Variants in PDE1C observed in about 807,000 individuals in gnomAD.
PDE1C encodes phosphodiesterase 1C.
A neutral mutation model predicts 93.1 loss-of-function variants in PDE1C; 62 were observed. That is an observed-to-expected ratio of 0.67 (90% CI 0.54 to 0.82). The LOEUF (loss-of-function observed/expected upper bound fraction) is 0.82, where lower values mean the gene tolerates loss of function less well. Ranked by LOEUF, PDE1C falls within the 40% of genes least tolerant of loss-of-function variation. PDE1C has a pLI of 0.00. For synonymous variants in PDE1C, 325 were observed against 310.1 expected (o/e 1.05, Z -0.50); for missense variants, 742 against 884.6 (o/e 0.84, Z 2.04).
At chr7:31,941,187 AAC>A (rs1805794858) in intron 2 of PDE1C, 1 of 152,588 alleles carries the variant, frequency 6.6e-6, no homozygotes, top group African/African-American at 2.4e-5. Context: ...GGTCCTAACA[AAC>A]ACACTCTTTG....
chr7:32,080,223 C>T (rs1796578850), intron 3 of PDE1C, among the ~76,000 whole-genome samples: 1 of 151,986 alleles, frequency 6.6e-6, no homozygotes. Context: ...GATTTAGGGA[C>T]CCATTCAACT....
chr7:32,035,915 G>A lies in PDE1C; in HGVS notation c.128+15639C>T, dbSNP rs373669969. ...ACGTGCCTGGTCAATTGTGAAAACT[G>A]ACTTGAAGGGAGAGAAATTTCATCT... is the stretch of plus-strand genomic sequence containing the variant. On this transcript the variant is annotated intron_variant, in intron 2 of 17. Transcript: ENST00000396191. Among the ~76,000 whole-genome samples, 13 of 152,310 alleles carry A rather than the reference G, an allele frequency of 8.5e-5. 3 individuals are homozygous for A. Among genetic ancestry groups the A allele is most frequent in the Admixed American group, 6.5e-5 (1 of 15,292 alleles).
intron 2 of PDE1C, among the ~76,000 whole-genome samples, chr7:31,959,063 G>C (rs1808538460): frequency 2.0e-5 from 3 of 152,084 alleles, no homozygotes; most frequent in African/African-American, 4.8e-5. Flanking sequence ...CCTAATCAAA[G>C]AGCCATAATC....
At chr7:31,749,826 C>T (rs1794085025), downstream of PDE1C, among the ~76,000 whole-genome samples, 1 of 151,372 alleles carries the variant, frequency 6.6e-6, no homozygotes, top group East Asian at 1.9e-4. Context: ...CAACCTCTGC[C>T]TCCCAGGTTC....
At chr7:31,746,551 G>A (rs1794010909), downstream of PDE1C, among the ~76,000 whole-genome samples, 1 of 152,212 alleles carries the variant, frequency 6.6e-6, no homozygotes, top group South Asian at 2.1e-4. Flanking sequence ...AAATATCACT[G>A]TGCTCTGGCA....
At chr7:31,946,685 C>T (rs189924736) in intron 2 of PDE1C, among the ~76,000 whole-genome samples, 3 of 152,328 alleles carry the variant, frequency 2.0e-5, no homozygotes, top group African/African-American at 7.2e-5. Flanking sequence ...ATAGCATGGG[C>T]TCCCAGAGCT....
At chr7:32,069,433 A>G (rs574687553) in intron 1 of PDE1C, among the ~76,000 whole-genome samples, 3 of 152,274 alleles carry the variant, frequency 2.0e-5, no homozygotes, top group Non-Finnish European at 2.9e-5. Flanking sequence ...ATGACTGATG[A>G]AAGTAGTATC....
chr7:32,162,298 A>T (rs1160891023), intron 3 of PDE1C, among the ~76,000 whole-genome samples: 1 of 152,208 alleles, frequency 6.6e-6, no homozygotes, highest in Non-Finnish European at 1.5e-5. Flanking sequence ...AGACTGGCCC[A>T]GAATATCCAG....
chr7:31,996,065 G>A (rs963940183), intron 2 of PDE1C, among the ~76,000 whole-genome samples: 8 of 95,610 alleles, frequency 8.4e-5, no homozygotes, highest in South Asian at 3.5e-4. Context: ...TTACGCTTCC[G>A]GACACACACA....
intron 2 of PDE1C, among the ~76,000 whole-genome samples, chr7:32,007,046 C>T (rs906691672): frequency 2.0e-5 from 3 of 152,166 alleles, no homozygotes; most frequent in Admixed American, 2.0e-4. Context: ...CAAGATTTAT[C>T]TTAATTTTTA....
chr7:31,926,619 C>T (rs761321892), intron 2 of PDE1C, among the ~76,000 whole-genome samples: 18 of 152,048 alleles, frequency 1.2e-4, no homozygotes, highest in Admixed American at 2.0e-4. Flanking sequence ...GGTTAGACAG[C>T]GGGTGCAGCC....
At position 31,915,809 on chromosome 7, in the gene PDE1C, A is replaced by G. The variant is rs181944522; in HGVS notation, c.129-34949T>C. ...AGGAAAGCATACACATTTATTTAACATAAGTTTTATGTGACATGAGGGCCT... is the reference window on the plus strand; with the variant it reads ...AGGAAAGCATACACATTTATTTAACGTAAGTTTTATGTGACATGAGGGCCT... On this transcript the variant is annotated intron_variant, in intron 2 of 17. Transcript: ENST00000396191. Among the ~76,000 whole-genome samples, 365 of 152,290 alleles carry G rather than the reference A, an allele frequency of 2.4e-3. 2 individuals are homozygous for G. The highest frequency in any genetic ancestry group is 4.2e-3 in the Non-Finnish European group (285 of 68,026).
intron 2 of PDE1C, among the ~76,000 whole-genome samples, chr7:32,040,083 T>A (rs893908136): frequency 6.6e-6 from 1 of 152,180 alleles, no homozygotes; most frequent in Non-Finnish European, 1.5e-5. Context: ...AATACACCTA[T>A]AAAATCTTGT....
intron 2 of PDE1C, among the ~76,000 whole-genome samples, chr7:32,205,596 A>AGGCCAACCCCCC (rs1178532062): frequency 7.6e-6 from 1 of 131,768 alleles, no homozygotes; most frequent in East Asian, 2.0e-4. Flanking sequence ...GAATAAAAGC[A>AGGCCAACCCCCC]GGCCAACCCC....
At chr7:32,191,819 C>T in intron 2 of PDE1C, among the ~76,000 whole-genome samples, 1 of 152,302 alleles carries the variant, frequency 6.6e-6, no homozygotes, top group Admixed American at 6.5e-5. Context: ...GGCTGTATCA[C>T]CAACCATGTA....
intron 17 of PDE1C, among the ~76,000 whole-genome samples, chr7:31,765,471 C>A (rs1795086042): frequency 6.6e-6 from 1 of 152,136 alleles, no homozygotes. Flanking sequence ...TTTTTCTTAA[C>A]AACGTGTGCA....
intron 16 of PDE1C, among the ~76,000 whole-genome samples, chr7:31,778,063 C>T (rs1381537421): frequency 4.6e-5 from 7 of 152,156 alleles, no homozygotes; most frequent in Non-Finnish European, 7.3e-5. Flanking sequence ...TGAATTTTAA[C>T]AATTTCACCA....
chr7:32,114,453 C>A (rs1292210281), intron 3 of PDE1C, among the ~76,000 whole-genome samples: 2 of 152,052 alleles, frequency 1.3e-5, no homozygotes, highest in East Asian at 1.9e-4. Context: ...CTTCCTTACA[C>A]CTTTGGAATT....
chr7:31,630,676 A>C, the PDE1C span, among the ~76,000 whole-genome samples: 21 of 152,306 alleles, frequency 1.4e-4, no homozygotes, highest in East Asian at 3.9e-3. Context: ...CAATAAGACT[A>C]AATATATAGC....
Sources: allele counts gnomAD v4.1 joint callset (sites outside exome capture counted in the v4.1 genomes callset), GRCh38; gene constraint gnomAD v4.1.1; transcripts MANE v1.5; gene names NCBI Gene and HGNC (gene_info 2026-07-23, HGNC 2026-07-21).